Variants in TIA1 observed in about 807,000 individuals in gnomAD.
TIA1 encodes the protein cytotoxic granule associated RNA binding protein TIA1.
Under a neutral mutation model 65.9 loss-of-function variants are expected in TIA1, and 23 were observed. The observed-to-expected ratio is 0.35, with a 90% CI of 0.25 to 0.49. The LOEUF (loss-of-function observed/expected upper bound fraction) is 0.49, where lower values mean the gene tolerates loss of function less well. TIA1 is among the 20% of genes least tolerant of loss of function. The pLI, the probability that TIA1 is intolerant of heterozygous loss-of-function variation, is 0.98. For missense variants in TIA1, 371 were observed against 477.9 expected (o/e 0.78, Z 2.09); for synonymous variants, 147 against 149.4 (o/e 0.98, Z 0.12).
In TIA1 at chr2:70,235,221, G is replaced by GT. The variant is rs1207224868; in HGVS notation, c.123+857_123+858insA. ...ACCTGAGGTCGGGAGTTCTAAACCA[G>GT]CCTGACCAACATGGAGAAACCCCAT... On this transcript the variant is annotated intron_variant, in intron 2 of 12. Transcript: ENST00000433529. Among the ~76,000 whole-genome samples the GT allele has an allele frequency of 3.3e-5, 5 of 152,248 alleles. No homozygotes were observed. In the East Asian group the frequency reaches 9.7e-4, roughly 29 times the overall value.
In TIA1 at chr2:70,223,350, A is replaced by T. The variant is rs1682361272; in HGVS notation, c.474+1204T>A. Among the ~76,000 whole-genome samples, 3 of 152,284 alleles carry T rather than the reference A, an allele frequency of 2.0e-5. No homozygotes were observed. The South Asian group carries it at 6.2e-4, about 32-fold the overall frequency. On this transcript the variant is annotated intron_variant, in intron 7 of 12. Transcript: ENST00000433529. ...ATTTTCTCATCTTACAGGAAAAAAAAAATCTTTGGTAGATGGGACATGTAC... is the reference window on the plus strand; with the variant it reads ...ATTTTCTCATCTTACAGGAAAAAAATAATCTTTGGTAGATGGGACATGTAC...
rs1168592256 is a variant in TIA1 at position 70,248,599 on chromosome 2, A to C, written c.-169T>G. 2.2e-6 allele frequency: 2 copies of C among 921,190 alleles called. No individual in the cohort carries two copies. Among genetic ancestry groups the C allele is most frequent in the Admixed American group, 2.2e-5 (1 of 46,478 alleles). 57.1% of individuals were successfully genotyped at this position (921,190 alleles called of 1,614,324 possible). A position where few individuals can be genotyped will look rare whatever the true frequency, so the allele number is the denominator to read the frequency against. On this transcript the variant is annotated 5_prime_UTR_variant, in exon 1 of 13. Coordinates refer to ENST00000433529, the MANE Select transcript of TIA1 (RefSeq NM_022173.4). Reference sequence around the variant, plus strand: ...ACACTAAACCGCCCGGCCCAGCGGGAACAATGAAACCCCAATACAAGATGG... The same window carrying C: ...ACACTAAACCGCCCGGCCCAGCGGGCACAATGAAACCCCAATACAAGATGG...
chr2:70,238,303 C>G (rs946327167), intron 1 of TIA1, among the ~76,000 whole-genome samples: 11 of 100,380 alleles, frequency 1.1e-4, no homozygotes, highest in Non-Finnish European at 1.8e-4. Context: ...CAAAGTCTCT[C>G]TCTGTCGCCC....
intron 6 of TIA1, chr2:70,224,883 T>C: frequency 8.2e-7 from 1 of 1,213,672 alleles, no homozygotes; most frequent in Non-Finnish European, 1.0e-6. Flanking sequence ...AAAAAACTTT[T>C]TAAACTTTTA....
chr2:70,214,200 ACT>A, intron 12 of TIA1, 147 bp downstream of exon 12: 1 of 825,736 alleles, frequency 1.2e-6, no homozygotes, highest in Admixed American at 3.6e-5. Context: ...TTATTTTCTT[ACT>A]AAAAAACAAT....
intron 1 of TIA1, among the ~76,000 whole-genome samples, chr2:70,240,686 T>G (rs1333307022): frequency 6.6e-6 from 1 of 152,126 alleles, no homozygotes; most frequent in Non-Finnish European, 1.5e-5. Context: ...CTGGCCAACA[T>G]GGTGAAACCT....
chr2:70,210,526 T>C lies in TIA1; in HGVS notation c.*2193A>G, dbSNP rs1470586097. On this transcript the variant is annotated 3_prime_UTR_variant, in exon 13 of 13. Coordinates refer to ENST00000433529, the MANE Select transcript of TIA1 (RefSeq NM_022173.4). The stretch of plus-strand genomic sequence containing the variant: ...CTTTCTTCTCAGAAAGTAGTCAATG[T>C]ACATTTTAAGATTTGTGCAATAAGC... The C allele has an allele frequency of 6.6e-6, 1 of 152,234 alleles. No individual in the cohort carries two copies. Among genetic ancestry groups the C allele is most frequent in the Non-Finnish European group, 1.5e-5 (1 of 68,040 alleles). 9.4% of individuals were successfully genotyped at this position (152,234 alleles called of 1,614,324 possible).
At chr2:70,217,132 C>A (rs997714339) in intron 7 of TIA1, 138 bp from the exon 8 acceptor site, 110 of 690,342 alleles carry the variant, frequency 1.6e-4, no homozygotes, top group Non-Finnish European at 2.0e-4. Context: ...CATATGATAG[C>A]TTTCCTAAAA....
chr2:70,229,814 T>A (rs574467102), intron 3 of TIA1, among the ~76,000 whole-genome samples: 9 of 152,004 alleles, frequency 5.9e-5, no homozygotes, highest in African/African-American at 1.9e-4. Flanking sequence ...GGTGGGTGCC[T>A]GTCATCCCAG....
At chr2:70,236,644 T>C (rs1028593199) in intron 1 of TIA1, among the ~76,000 whole-genome samples, 13 of 152,122 alleles carry the variant, frequency 8.5e-5, no homozygotes, top group Non-Finnish European at 1.5e-4. Context: ...TTATTTTTTT[T>C]TCAGACAAGG....
chr2:70,228,306 G>C (rs1295011232), intron 5 of TIA1: 3 of 1,274,980 alleles, frequency 2.4e-6, no homozygotes, highest in Non-Finnish European at 3.1e-6. Context: ...TATATACTTG[G>C]TTTAACCATA....
intron 5 of TIA1, 54 bp from the exon 6 acceptor site, chr2:70,227,876 A>C: frequency 8.3e-7 from 1 of 1,202,150 alleles, no homozygotes; most frequent in Non-Finnish European, 1.2e-6. Context: ...TTAGAATTTA[A>C]AAAGTACTAA....
chr2:70,248,694 C>G (rs919259065), upstream of TIA1: 4 of 552,074 alleles, frequency 7.2e-6, no homozygotes, highest in African/African-American at 5.7e-5. Context: ...TAATCTTGCA[C>G]TCTCAACCTC....
chr2:70,243,221 T>C (rs1692693033), intron 1 of TIA1, among the ~76,000 whole-genome samples: 1 of 151,904 alleles, frequency 6.6e-6, no homozygotes, highest in South Asian at 2.1e-4. Flanking sequence ...AGCCCAGGAG[T>C]TGGAGACCAG....
chr2:70,221,109 C>A (rs1040994609), intron 7 of TIA1, among the ~76,000 whole-genome samples: 4 of 152,040 alleles, frequency 2.6e-5, no homozygotes, highest in Non-Finnish European at 5.9e-5. Context: ...CAGGTTCAAG[C>A]GATTCTCCTG....
chr2:70,243,439 T>A (rs1337000325), intron 1 of TIA1, among the ~76,000 whole-genome samples: 1 of 152,090 alleles, frequency 6.6e-6, no homozygotes, highest in African/African-American at 2.4e-5. Context: ...TTAAAATAAA[T>A]AAATAAATAA....
intron 2 of TIA1, among the ~76,000 whole-genome samples, chr2:70,234,914 G>C (rs1688113735): frequency 6.6e-6 from 1 of 152,008 alleles, no homozygotes; most frequent in Non-Finnish European, 1.5e-5. Flanking sequence ...GAATACAACA[G>C]GAAAGAAGGT....
At chr2:70,218,914 ACAC>A (rs1404039067) in intron 7 of TIA1, among the ~76,000 whole-genome samples, 1 of 152,216 alleles carries the variant, frequency 6.6e-6, no homozygotes, top group Non-Finnish European at 1.5e-5. Context: ...GCTGGAGGGG[ACAC>A]CACAAGCAAA....
intron 6 of TIA1, among the ~76,000 whole-genome samples, chr2:70,226,498 A>C (rs1683878466): frequency 6.6e-6 from 1 of 152,170 alleles, no homozygotes; most frequent in South Asian, 2.1e-4. Flanking sequence ...TCTCTCTGAA[A>C]AGATTCTCTG....
Sources: allele counts gnomAD v4.1 joint callset (sites outside exome capture counted in the v4.1 genomes callset), GRCh38; gene constraint gnomAD v4.1.1; transcripts MANE v1.5; gene names NCBI Gene and HGNC (gene_info 2026-07-23, HGNC 2026-07-21).